CHD2: variants seen among roughly 807,000 people sequenced by gnomAD.
CHD2 encodes chromodomain helicase DNA binding protein 2.
A neutral mutation model predicts 243.9 loss-of-function variants in CHD2; 28 were observed. The observed-to-expected ratio is 0.11, with a 90% CI of 0.09 to 0.16. The LOEUF is 0.16. CHD2 is among the 10% of genes least tolerant of loss of function. The pLI, the probability that CHD2 is intolerant of heterozygous loss-of-function variation, is 1.00. For missense variants in CHD2, 1,386 were observed against 2,209.8 expected (o/e 0.63, Z 7.47); for synonymous variants, 775 against 779.0 (o/e 0.99, Z 0.09).
chr15:92,910,003 T>C (rs1596367333), intron 2 of CHD2, among the ~76,000 whole-genome samples: 1 of 151,804 alleles, frequency 6.6e-6, no homozygotes, highest in African/African-American at 2.4e-5. Context: ...CATATATACA[T>C]ATATATAAAT....
At chr15:92,916,467 G>C (rs2052838041) in intron 2 of CHD2, among the ~76,000 whole-genome samples, 1 of 152,234 alleles carries the variant, frequency 6.6e-6, no homozygotes. Flanking sequence ...GTTATGAACA[G>C]AGCTCTGAAT....
intron 17 of CHD2, among the ~76,000 whole-genome samples, chr15:92,970,328 A>T (rs184601299): frequency 3.1e-4 from 47 of 151,998 alleles, no homozygotes; most frequent in African/African-American, 1.1e-3. Flanking sequence ...CAGCCTCCCG[A>T]CTAGCTGGGA....
intron 3 of CHD2, 45 bp from the exon 4 acceptor site, chr15:92,927,198 TG>T: frequency 7.6e-7 from 1 of 1,317,384 alleles, no homozygotes; most frequent in Non-Finnish European, 1.1e-6. Flanking sequence ...ATAATAATAA[TG>T]GGGGTCAAGA....
chr15:92,948,756 G>A (rs1040738413), intron 12 of CHD2, among the ~76,000 whole-genome samples, 196 bp from the exon 13 acceptor site: 4 of 152,196 alleles, frequency 2.6e-5, no homozygotes, highest in Admixed American at 6.5e-5. Flanking sequence ...GGAGAATGGC[G>A]TGAACCCGGG....
At chr15:92,900,857 GATTT>G (rs2052519197) in intron 1 of CHD2, 33 bp downstream of exon 1, 2 of 405,626 alleles carry the variant, frequency 4.9e-6, no homozygotes, top group Admixed American at 4.4e-5. Flanking sequence ...TAATTTTAAA[GATTT>G]ATTTGTTTAA....
intron 2 of CHD2, chr15:92,902,401 A>C (rs980307290): frequency 5.3e-6 from 2 of 378,882 alleles, no homozygotes; most frequent in African/African-American, 4.1e-5. Context: ...CATGCAGTTT[A>C]ACAAGGATGT....
At chr15:92,902,143 C>A in intron 2 of CHD2, 1 of 397,864 alleles carries the variant, frequency 2.5e-6, no homozygotes, top group Non-Finnish European at 4.4e-6. Flanking sequence ...TTAGATGTAG[C>A]TGCTTTAAAT....
chr15:92,999,083 CAAAAAAAAAAAAA>C (rs55738843), intron 31 of CHD2, among the ~76,000 whole-genome samples: 6 of 65,528 alleles, frequency 9.2e-5, no homozygotes, highest in African/African-American at 2.7e-4. Flanking sequence ...GACTCCGTCT[CAAAAAAAAAAAAA>C]AAAAAAAAAA....
At chr15:92,940,599 C>G (rs776198816) in intron 7 of CHD2, among the ~76,000 whole-genome samples, 12 of 151,044 alleles carry the variant, frequency 7.9e-5, no homozygotes, top group Non-Finnish European at 1.6e-4. Flanking sequence ...ATAACTTATT[C>G]AATGTATCCA....
intron 5 of CHD2, among the ~76,000 whole-genome samples, chr15:92,935,328 G>T (rs373942628): frequency 3.3e-5 from 5 of 152,216 alleles, no homozygotes; most frequent in Non-Finnish European, 1.5e-5. Context: ...GAGCCACCGC[G>T]CCCGACCTTT....
chr15:92,920,380 A>T (rs2141736334), intron 2 of CHD2, among the ~76,000 whole-genome samples: 1 of 152,378 alleles, frequency 6.6e-6, no homozygotes, highest in Non-Finnish European at 1.5e-5. Context: ...ACCTAAATGT[A>T]CCGTTAATAG....
intron 3 of CHD2, among the ~76,000 whole-genome samples, 171 bp downstream of exon 3, chr15:92,924,723 C>G (rs1273841365): frequency 6.6e-6 from 1 of 152,160 alleles, no homozygotes; most frequent in African/African-American, 2.4e-5. Context: ...TCTTTCTGCT[C>G]TATTAAGGAA....
At chr15:92,991,658 A>G (rs1596443349) in intron 27 of CHD2, 141 bp downstream of exon 27, 10 of 550,826 alleles carry the variant, frequency 1.8e-5, no homozygotes, top group East Asian at 3.2e-5. Context: ...AAACATTTAT[A>G]TATTGGGTGC....
At position 92,997,547 on chromosome 15, in the gene CHD2, A is replaced by G. The variant is rs1473330422; in HGVS notation, c.3885+144A>G. On this transcript the variant is annotated intron_variant, in intron 30 of 38. Transcript: ENST00000394196. The surrounding 1 kb of genome is among the most constrained non-coding windows in gnomAD (Gnocchi z 4.1). ...TCTTGGAAATACTTCCATCTTTAGCAGATTGTGGCACTGTTTCACGGATGA... is the reference window on the plus strand; with the variant it reads ...TCTTGGAAATACTTCCATCTTTAGCGGATTGTGGCACTGTTTCACGGATGA... 4.2e-6 allele frequency: 3 copies of G among 722,800 alleles called. No individual in the cohort carries two copies. Among genetic ancestry groups the G allele is most frequent in the Non-Finnish European group, 6.2e-6 (3 of 483,904 alleles). 44.8% of individuals were successfully genotyped at this position (722,800 alleles called of 1,614,324 possible).
intron 1 of CHD2, 83 bp from the exon 2 acceptor site, chr15:92,901,084 G>A: frequency 1.5e-6 from 1 of 663,556 alleles, no homozygotes; most frequent in Non-Finnish European, 2.7e-6. Flanking sequence ...TAACAATATC[G>A]TTAACATCGT....
rs2054592490 is a variant in CHD2 at position 93,027,075 on chromosome 15, T to G, written c.*2370T>G. The G allele has an allele frequency of 6.5e-6, 1 of 152,688 alleles. No individual in the cohort carries two copies. The highest frequency in any genetic ancestry group is 1.5e-5 in the Non-Finnish European group (1 of 68,050). The allele number at this position is 152,688 out of a possible 1,614,324, so 9.5% of individuals were successfully genotyped here. Reference sequence around the variant, plus strand: ...TCGGCCAGATCAGTGTTACATTGATTCTAAAATTACAGTGTCCCCATTAGA... The same window carrying G: ...TCGGCCAGATCAGTGTTACATTGATGCTAAAATTACAGTGTCCCCATTAGA... On this transcript the variant is annotated 3_prime_UTR_variant, in exon 39 of 39. Transcript: ENST00000394196.
chr15:92,916,319 T>G (rs950845241), intron 2 of CHD2, among the ~76,000 whole-genome samples: 4 of 152,234 alleles, frequency 2.6e-5, no homozygotes, highest in African/African-American at 9.6e-5. Context: ...TGAGCTCTGT[T>G]TCAGATACTT....
intron 5 of CHD2, among the ~76,000 whole-genome samples, chr15:92,932,495 C>G (rs1389527061): frequency 3.7e-5 from 5 of 135,284 alleles, no homozygotes; most frequent in Admixed American, 3.5e-4. Flanking sequence ...ACCCTGTGTC[C>G]AAGTGTTCTC....
chr15:92,932,933 G>A (rs541973027), intron 5 of CHD2, among the ~76,000 whole-genome samples: 242 of 152,132 alleles, frequency 1.6e-3, no homozygotes, highest in African/African-American at 5.6e-3. Context: ...AATAGACATG[G>A]GGTTTCACCA....
Sources: gnomAD v4.1 joint callset for allele counts (sites outside exome capture counted in the v4.1 genomes callset) on GRCh38, gnomAD v4.1.1 for gene constraint, Gnocchi (gnomAD v3.1) non-coding constraint, MANE v1.5 for transcripts, NCBI Gene and HGNC (gene_info 2026-07-23, HGNC 2026-07-21) for gene names.